The following LRRC75A variants were observed in gnomAD, a reference collection of about 807,000 sequenced individuals.
LRRC75A encodes the protein leucine rich repeat containing 75A.
LRRC75A carries 12 observed loss-of-function variants against 26.0 expected under a neutral mutation model. The ratio of observed to expected loss-of-function variants is 0.46; its 90% CI spans 0.30 to 0.75. The LOEUF (loss-of-function observed/expected upper bound fraction) is 0.75, where lower values mean the gene tolerates loss of function less well. Among genes scored for constraint, LRRC75A ranks in the 30% least tolerant of loss-of-function variants. LRRC75A has a pLI of 0.08. For missense variants in LRRC75A, 410 were observed against 486.6 expected (o/e 0.84, Z 1.48); for synonymous variants, 223 against 219.3 (o/e 1.02, Z -0.15).
At chr17:16,453,336 A>G (rs1469381379) in intron 2 of LRRC75A, among the ~76,000 whole-genome samples, 12 of 137,280 alleles carry the variant, frequency 8.7e-5, no homozygotes, top group African/African-American at 2.6e-4. Context: ...ACGCACACGC[A>G]CACACGCACA....
intron 1 of LRRC75A, among the ~76,000 whole-genome samples, chr17:16,483,960 A>G (rs1239963992): frequency 6.6e-6 from 1 of 151,942 alleles, no homozygotes; most frequent in African/African-American, 2.4e-5. Flanking sequence ...TAATTTTCTC[A>G]TTTTTCTATA....
intron 1 of LRRC75A, among the ~76,000 whole-genome samples, chr17:16,480,156 C>T (rs1009563622): frequency 6.6e-6 from 1 of 152,198 alleles, no homozygotes; most frequent in South Asian, 2.1e-4. Context: ...AGAAGCTCAG[C>T]GCCCTCACTG....
chr17:16,464,798 A>G (rs11078345), intron 1 of LRRC75A, among the ~76,000 whole-genome samples: 33,670 of 151,484 alleles, frequency 0.22, 4,082 homozygotes, highest in Middle Eastern at 0.31. Context: ...GACACAAACT[A>G]TCACCCACTA....
intron 1 of LRRC75A, among the ~76,000 whole-genome samples, chr17:16,485,681 T>TGTGTGTGTGTTC (rs1555893692): frequency 0.016 from 2,137 of 134,892 alleles, 26 homozygotes; most frequent in Non-Finnish European, 0.018. Context: ...CGTGTGTGTG[T>TGTGTGTGTGTTC]GTGTGTGTGT....
At chr17:16,445,132 A>G (rs2093571206) in intron 3 of LRRC75A, among the ~76,000 whole-genome samples, 1 of 139,364 alleles carries the variant, frequency 7.2e-6, no homozygotes, top group Admixed American at 7.4e-5. Flanking sequence ...TACAGGCATG[A>G]GCCAACACGC....
At position 16,444,106 on chromosome 17, in the gene LRRC75A, G is replaced by A; in HGVS notation, c.517C>T (p.Pro173Ser). 1 of 1,606,136 alleles carries A rather than the reference G, an allele frequency of 6.2e-7. No homozygotes were observed. The highest frequency in any genetic ancestry group is 8.5e-7 in the Non-Finnish European group (1 of 1,174,542). ...ACLKAVLAGS[P>S]PDNTVDLSGI... Reference sequence around the variant, plus strand: ...GACAGGTCCACTGTGTTGTCTGGGGGGCTTCCGGCCAGGACAGCCTTGAGG... The same window carrying A: ...GACAGGTCCACTGTGTTGTCTGGGGAGCTTCCGGCCAGGACAGCCTTGAGG... Residue 173 changes from proline (P) to serine (S), a missense_variant, in exon 4 of 4, where the codon CCC becomes TCC. By Grantham distance (74) the Pro-to-Ser change is moderately conservative (BLOSUM62 -1). Coordinates refer to ENST00000470794, the MANE Select transcript of LRRC75A (RefSeq NM_001113567.3).
chr17:16,466,913 G>C (rs1023362216), intron 1 of LRRC75A, among the ~76,000 whole-genome samples: 3 of 152,182 alleles, frequency 2.0e-5, no homozygotes, highest in Admixed American at 6.5e-5. Context: ...TTTTAGGGGT[G>C]CTGTGGGGAC....
rs887916996 is a variant in LRRC75A at position 16,441,724 on chromosome 17, T to A, written c.*1864A>T. On this transcript the variant is annotated 3_prime_UTR_variant, in exon 4 of 4. Transcript: ENST00000470794. ...GACTACAGCTCACAGCACACCTGGC[T>A]AAAATTTTTTTTTTGTTGAGACGGA... is the stretch of plus-strand genomic sequence containing the variant. 1 of 228,046 alleles carries A rather than the reference T, an allele frequency of 4.4e-6. No individual in the cohort carries two copies. The highest frequency in any genetic ancestry group is 4.9e-5 in the South Asian group (1 of 20,304). The allele number at this position is 228,046 out of a possible 1,614,324, so 14.1% of individuals were successfully genotyped here.
At chr17:16,487,636 T>C (rs1229044340) in intron 1 of LRRC75A, among the ~76,000 whole-genome samples, 6 of 152,238 alleles carry the variant, frequency 3.9e-5, no homozygotes, top group Non-Finnish European at 8.8e-5. Flanking sequence ...GAGACAGCCA[T>C]GTTGCTCAGG....
chr17:16,485,075 C>T (rs2093843334), intron 1 of LRRC75A, among the ~76,000 whole-genome samples: 1 of 152,116 alleles, frequency 6.6e-6, no homozygotes, highest in African/African-American at 2.4e-5. Context: ...GTCCCCGCCC[C>T]TGCTTGGCGC....
Position 16,491,672 on chromosome 17 carries a change from G to T in LRRC75A, c.246+73C>A. The T allele has an allele frequency of 1.8e-6, 2 of 1,139,542 alleles. No homozygotes were observed. The highest frequency in any genetic ancestry group is 1.1e-6 in the Non-Finnish European group (1 of 896,948). 70.6% of individuals were successfully genotyped at this position (1,139,542 alleles called of 1,614,324 possible). A position where few individuals can be genotyped will look rare whatever the true frequency, so the allele number is the denominator to read the frequency against. On this transcript the variant is annotated intron_variant, in intron 1 of 3. Coordinates refer to ENST00000470794, the MANE Select transcript of LRRC75A (RefSeq NM_001113567.3). The surrounding 1 kb of genome is among the most constrained non-coding windows in gnomAD (Gnocchi z 5.9). Reference sequence around the variant, plus strand: ...CGGTGCCCCCGGCTTCCTCGGTTAGGGATGGGGCGCCCCCCCCGGCCCAGC... The same window carrying T: ...CGGTGCCCCCGGCTTCCTCGGTTAGTGATGGGGCGCCCCCCCCGGCCCAGC...
intron 1 of LRRC75A, among the ~76,000 whole-genome samples, chr17:16,468,173 A>G (rs969344197): frequency 3.9e-5 from 6 of 152,224 alleles, no homozygotes; most frequent in Non-Finnish European, 7.3e-5. Context: ...AACAAATTAA[A>G]CACAGAATTG....
At chr17:16,456,604 A>G (rs1483491396) in intron 2 of LRRC75A, among the ~76,000 whole-genome samples, 1 of 152,130 alleles carries the variant, frequency 6.6e-6, no homozygotes, top group Non-Finnish European at 1.5e-5. Context: ...ATTCCCTACC[A>G]TGCGGCAGGG....
At chr17:16,451,777 C>G (rs894540077) in intron 2 of LRRC75A, among the ~76,000 whole-genome samples, 1 of 148,964 alleles carries the variant, frequency 6.7e-6, no homozygotes, top group African/African-American at 2.5e-5. Context: ...CGGAGTATCG[C>G]TCTGTCGCCC....
intron 2 of LRRC75A, among the ~76,000 whole-genome samples, chr17:16,449,683 C>G (rs2093615139): frequency 6.6e-6 from 1 of 152,198 alleles, no homozygotes; most frequent in Non-Finnish European, 1.5e-5. Flanking sequence ...ATGGCACGAT[C>G]TCGGCTCACT....
intron 3 of LRRC75A, among the ~76,000 whole-genome samples, chr17:16,446,140 T>C (rs1017567031): frequency 2.0e-5 from 3 of 152,126 alleles, no homozygotes; most frequent in Admixed American, 1.3e-4. Flanking sequence ...AACTTCCTAC[T>C]TCAGGTGATC....
chr17:16,461,246 G>A (rs1459332256), intron 2 of LRRC75A: 1 of 152,262 alleles, frequency 6.6e-6, no homozygotes. Context: ...CGAGCGACAG[G>A]TGGGCTTGGG....
chr17:16,447,766 C>A, intron 3 of LRRC75A, 79 bp downstream of exon 3: 1 of 1,136,292 alleles, frequency 8.8e-7, no homozygotes. Context: ...CCGCCCTTCC[C>A]TTCCCTACAT....
intron 1 of LRRC75A, among the ~76,000 whole-genome samples, chr17:16,472,136 G>A (rs1479942141): frequency 2.6e-5 from 4 of 152,210 alleles, no homozygotes; most frequent in African/African-American, 9.6e-5. Context: ...AAGCAGAGGA[G>A]AGACACTCAT....
Sources: allele counts gnomAD v4.1 joint callset (sites outside exome capture counted in the v4.1 genomes callset), GRCh38; gene constraint gnomAD v4.1.1; non-coding constraint Gnocchi (gnomAD v3.1); transcripts MANE v1.5; gene names NCBI Gene and HGNC (gene_info 2026-07-23, HGNC 2026-07-21).